The following GK5 variants were observed in gnomAD, a reference collection of about 807,000 sequenced individuals.
The protein encoded by GK5 is glycerol kinase 5.
GK5 carries 39 observed loss-of-function variants against 77.3 expected under a neutral mutation model. The ratio of observed to expected loss-of-function variants is 0.50; its 90% CI spans 0.39 to 0.66. The LOEUF (loss-of-function observed/expected upper bound fraction) is 0.66. Ranked by LOEUF, GK5 falls within the 30% of genes least tolerant of loss-of-function variation. The probability of loss-of-function intolerance (pLI) is 0.00; values close to 1 mark genes in which losing one functional copy is unlikely to be tolerated. For missense variants in GK5, 487 were observed against 633.8 expected, an observed-to-expected ratio of 0.77 and a Z score of 2.49; for synonymous variants, 211 against 208.0, an observed-to-expected ratio of 1.01 and a Z score of -0.13.
At chr3:142,222,533 C>T (rs1270197513) in intron 1 of GK5, among the ~76,000 whole-genome samples, 4 of 151,560 alleles carry the variant, frequency 2.6e-5, no homozygotes, top group African/African-American at 7.3e-5. Flanking sequence ...CACTGCACTC[C>T]AGCCTGGGCG....
intron 5 of GK5, among the ~76,000 whole-genome samples, chr3:142,192,469 A>G (rs1261900618): frequency 6.6e-6 from 1 of 152,214 alleles, no homozygotes; most frequent in African/African-American, 2.4e-5. Context: ...GTTTTTCAAT[A>G]GGTAACTGGA....
chr3:142,189,554 G>C (rs552171218), intron 5 of GK5, among the ~76,000 whole-genome samples: 1 of 152,112 alleles, frequency 6.6e-6, no homozygotes, highest in Admixed American at 6.5e-5. Flanking sequence ...ATGCCTGACA[G>C]GTGGTAAATT....
At chr3:142,200,479 TTTTACATGGCATA>T (rs1405070354) in intron 4 of GK5, among the ~76,000 whole-genome samples, 1 of 152,206 alleles carries the variant, frequency 6.6e-6, no homozygotes, top group East Asian at 1.9e-4. Flanking sequence ...TTTCTTTATA[TTTTACATGGCATA>T]TAGATTTTTC....
intron 12 of GK5, 24 bp from the exon 13 acceptor site, chr3:142,172,480 A>ATAT (rs1434424422): frequency 2.4e-6 from 3 of 1,260,552 alleles, no homozygotes; most frequent in Non-Finnish European, 3.4e-6. Flanking sequence ...TAACAAGAAT[A>ATAT]TATTATTATT....
intron 4 of GK5, 53 bp from the exon 5 acceptor site, chr3:142,198,986 T>G: frequency 7.3e-7 from 1 of 1,376,728 alleles, no homozygotes; most frequent in Non-Finnish European, 1.0e-6. Flanking sequence ...TGTTTAAAAT[T>G]TCCACATCAA....
At chr3:142,181,396 C>A in intron 11 of GK5, 65 bp downstream of exon 11, 1 of 876,602 alleles carries the variant, frequency 1.1e-6, no homozygotes, top group South Asian at 1.6e-5. Context: ...TACTAATCTG[C>A]AATCCTGTGG....
chr3:142,211,534 G>A (rs1238820471), intron 3 of GK5, among the ~76,000 whole-genome samples: 3 of 152,236 alleles, frequency 2.0e-5, no homozygotes, highest in Admixed American at 1.3e-4. Context: ...GCTCACGCCT[G>A]TAATCCCAGC....
intron 2 of GK5, among the ~76,000 whole-genome samples, chr3:142,214,511 C>T (rs2064244403): frequency 6.6e-6 from 1 of 152,004 alleles, no homozygotes; most frequent in African/African-American, 2.4e-5. Flanking sequence ...ACATCAACTC[C>T]CATATAGTAT....
At chr3:142,218,920 T>C (rs965702148) in intron 1 of GK5, among the ~76,000 whole-genome samples, 2 of 152,066 alleles carry the variant, frequency 1.3e-5, no homozygotes, top group African/African-American at 4.8e-5. Flanking sequence ...AGAACTCAAT[T>C]TGAAAATGGG....
Position 142,194,388 on chromosome 3 carries a change from T to C in GK5, c.543+4414A>G, listed in dbSNP as rs2063901102. Among the ~76,000 whole-genome samples the C allele has an allele frequency of 3.3e-5, 5 of 152,138 alleles. No individual in the cohort carries two copies. The South Asian group carries it at 1.0e-3, about 32-fold the overall frequency. On this transcript the variant is annotated intron_variant, in intron 5 of 15. Transcript: ENST00000392993. ...TAAAAATACAAAAGTTAGCTGGGCG[T>C]TGTGGCGCACGCCTGTAGTCCCAAC...
intron 9 of GK5, chr3:142,185,168 T>G (rs1244852253): frequency 1.1e-6 from 1 of 949,394 alleles, no homozygotes; most frequent in African/African-American, 1.8e-5. Context: ...GTCCCAGCAC[T>G]TTGGGAGGCA....
At chr3:142,180,211 T>A (rs915310153) in intron 11 of GK5, among the ~76,000 whole-genome samples, 6 of 152,166 alleles carry the variant, frequency 3.9e-5, no homozygotes, top group African/African-American at 1.4e-4. Context: ...CTGGCAATCC[T>A]GTGGCTGCAG....
chr3:142,187,704 CT>C lies in GK5; in HGVS notation c.618del (p.Gly207ValfsTer27). The C allele has an allele frequency of 6.2e-7, 1 of 1,602,218 alleles. No homozygotes were observed. Among genetic ancestry groups the C allele is most frequent in the Non-Finnish European group, 8.5e-7 (1 of 1,171,982 alleles). On this transcript the variant is annotated frameshift_variant and splice_region_variant, in exon 6 of 16. Transcript: ENST00000392993. LOFTEE classifies it high-confidence loss of function. ...AATAGATCTTTCAGGTCATCTTTAC[CT>C]TTTGTGAGCTTATATAACAACCAGG... ...IDTWLLYKLTKGSVYATDFSN... is the reference protein window; with the variant it reads ...IDTWLLYKLTXGSVYATDFSN...
At chr3:142,174,100 C>G (rs1200743098) in intron 12 of GK5, among the ~76,000 whole-genome samples, 2 of 151,986 alleles carry the variant, frequency 1.3e-5, no homozygotes, top group Non-Finnish European at 2.9e-5. Context: ...GTTGAAACCC[C>G]ACCTTCCTCA....
intron 9 of GK5, chr3:142,185,675 T>TA (rs1360775391): frequency 7.6e-7 from 1 of 1,321,572 alleles, no homozygotes; most frequent in East Asian, 3.6e-5. Flanking sequence ...AGTTTTCTGA[T>TA]AAACAATATA....
chr3:142,225,431 C>T lies in GK5; in HGVS notation c.25G>A (p.Glu9Lys), dbSNP rs149166410. The T allele has an allele frequency of 6.2e-7, 1 of 1,603,140 alleles. No homozygotes were observed. Among genetic ancestry groups the T allele is most frequent in the Non-Finnish European group, 8.5e-7 (1 of 1,177,716 alleles). Reference sequence around the variant, plus strand: ...TACCGCGGCTCCTGCGCTCTCTGCTCCGGGTCCGTGAGCAGCCCCGACATC... The same window carrying T: ...TACCGCGGCTCCTGCGCTCTCTGCTTCGGGTCCGTGAGCAGCCCCGACATC... Reference protein sequence around the residue: MSGLLTDPEQRAQEPRYPG... With the variant: MSGLLTDPKQRAQEPRYPG... Residue 9 changes from glutamate (E) to lysine (K), a missense_variant, in exon 1 of 16, where the codon GAG becomes AAG. Glu to Lys is a moderately conservative substitution (Grantham distance 56). Transcript: ENST00000392993.
chr3:142,219,981 T>C (rs1269881948), intron 1 of GK5, among the ~76,000 whole-genome samples: 1 of 152,136 alleles, frequency 6.6e-6, no homozygotes, highest in Admixed American at 6.5e-5. Flanking sequence ...AATCAATCAA[T>C]AAACAAATTT....
chr3:142,215,361 G>T (rs754998577), intron 2 of GK5, among the ~76,000 whole-genome samples: 15 of 152,184 alleles, frequency 9.9e-5, no homozygotes, highest in Non-Finnish European at 1.9e-4. Context: ...GAAATGGCGA[G>T]CATTTATATT....
chr3:142,212,000 A>G (rs1337142540), intron 3 of GK5, among the ~76,000 whole-genome samples: 1 of 152,166 alleles, frequency 6.6e-6, no homozygotes, highest in Non-Finnish European at 1.5e-5. Context: ...TACAGCCCAA[A>G]CATCAAGGCC....
Sources: gnomAD v4.1 joint callset for allele counts (sites outside exome capture counted in the v4.1 genomes callset) on GRCh38, gnomAD v4.1.1 for gene constraint, MANE v1.5 for transcripts, NCBI Gene and HGNC (gene_info 2026-07-23, HGNC 2026-07-21) for gene names.